ADGRV1: variants seen among roughly 807,000 people sequenced by gnomAD.
The protein encoded by ADGRV1 is adhesion G protein-coupled receptor V1, also known as G-protein coupled receptor 98.
Under a neutral mutation model 596.2 loss-of-function variants are expected in ADGRV1, and 359 were observed. That is an observed-to-expected ratio of 0.60 (90% confidence interval 0.55 to 0.66). The LOEUF is 0.66. ADGRV1 is among the 30% of genes least tolerant of loss of function. The pLI, the probability that ADGRV1 is intolerant of heterozygous loss-of-function variation, is 0.00. For synonymous variants in ADGRV1, 2,681 were observed against 2,679.2 expected, an observed-to-expected ratio of 1.00 and a Z score of -0.02; for missense variants, 7,274 against 7,575.6, an observed-to-expected ratio of 0.96 and a Z score of 1.48.
chr5:91,082,474 G>A (rs184530119), intron 86 of ADGRV1, among the ~76,000 whole-genome samples: 2 of 152,114 alleles, frequency 1.3e-5, no homozygotes, highest in African/African-American at 4.8e-5. Context: ...CTATAAACAC[G>A]TGCTACCATG....
At chr5:90,851,177 G>GAC (rs1766486047) in intron 79 of ADGRV1, among the ~76,000 whole-genome samples, 1 of 147,678 alleles carries the variant, frequency 6.8e-6, no homozygotes, top group Non-Finnish European at 1.5e-5. Flanking sequence ...GAATGAATCT[G>GAC]ACTTTGGATT....
intron 86 of ADGRV1, among the ~76,000 whole-genome samples, chr5:91,100,294 C>T (rs145747070): frequency 2.0e-5 from 3 of 152,128 alleles, no homozygotes; most frequent in South Asian, 2.1e-4. Context: ...TGGTGGCATG[C>T]GCCTATAGTT....
intron 83 of ADGRV1, among the ~76,000 whole-genome samples, chr5:90,917,877 T>C (rs1773525394): frequency 6.6e-6 from 1 of 152,142 alleles, no homozygotes; most frequent in Non-Finnish European, 1.5e-5. Context: ...TCATCACCAC[T>C]ATCATTTTTT....
chr5:91,066,868 G>A (rs1787927295), intron 85 of ADGRV1, among the ~76,000 whole-genome samples: 1 of 152,230 alleles, frequency 6.6e-6, no homozygotes, highest in African/African-American at 2.4e-5. Flanking sequence ...TGTAGATAGA[G>A]AAGAAGGCAA....
At chr5:90,950,958 A>G (rs1777012522) in intron 83 of ADGRV1, among the ~76,000 whole-genome samples, 1 of 152,234 alleles carries the variant, frequency 6.6e-6, no homozygotes, top group African/African-American at 2.4e-5. Flanking sequence ...GTCACAACAA[A>G]GATAAGCCTC....
intron 87 of ADGRV1, among the ~76,000 whole-genome samples, chr5:91,146,518 G>C (rs1274208668): frequency 6.6e-6 from 1 of 152,166 alleles, no homozygotes; most frequent in Non-Finnish European, 1.5e-5. Flanking sequence ...GTGAGGCAAG[G>C]CATGCCAAAT....
chr5:91,152,237 G>A (rs993006952), intron 88 of ADGRV1, among the ~76,000 whole-genome samples: 3 of 152,080 alleles, frequency 2.0e-5, no homozygotes, highest in African/African-American at 2.4e-5. Flanking sequence ...AGGATTAAGG[G>A]GTTGTTTACC....
chr5:90,874,696 CTA>C (rs1769049643), intron 83 of ADGRV1, among the ~76,000 whole-genome samples: 1 of 151,874 alleles, frequency 6.6e-6, no homozygotes, highest in African/African-American at 2.4e-5. Context: ...CCCGTCTCTA[CTA>C]AAAATACAAA....
intron 59 of ADGRV1, among the ~76,000 whole-genome samples, chr5:90,764,088 AG>A (rs1756816784): frequency 6.6e-6 from 1 of 152,152 alleles, no homozygotes; most frequent in African/African-American, 2.4e-5. Context: ...GGGAGTGATA[AG>A]GGGGTGTACC....
At chr5:90,924,439 G>A (rs12515481) in intron 83 of ADGRV1, among the ~76,000 whole-genome samples, 42,081 of 151,358 alleles carry the variant, frequency 0.28, 6,389 homozygotes, top group Non-Finnish European at 0.34. Flanking sequence ...CTTTTGAGAA[G>A]TGTCTGTTCA....
At chr5:90,645,443 C>T (rs779519163) in intron 15 of ADGRV1, among the ~76,000 whole-genome samples, 60 of 152,188 alleles carry the variant, frequency 3.9e-4, no homozygotes, top group Admixed American at 1.4e-3. Flanking sequence ...AAAGAAACAG[C>T]GTCCACCTGG....
At chr5:90,698,507 C>G (rs536670405) in intron 34 of ADGRV1, among the ~76,000 whole-genome samples, 3 of 152,246 alleles carry the variant, frequency 2.0e-5, no homozygotes, top group African/African-American at 7.2e-5. Context: ...TGCTTGAACT[C>G]ACGTCTGCTG....
intron 45 of ADGRV1, among the ~76,000 whole-genome samples, chr5:90,721,405 A>G (rs1750920472): frequency 6.6e-6 from 1 of 151,742 alleles, no homozygotes; most frequent in Non-Finnish European, 1.5e-5. Flanking sequence ...TCGGGAGGCT[A>G]AGACAGGAGA....
intron 83 of ADGRV1, among the ~76,000 whole-genome samples, chr5:90,953,622 TTCTC>T (rs1444502055): frequency 1.3e-5 from 2 of 152,088 alleles, no homozygotes; most frequent in African/African-American, 4.8e-5. Flanking sequence ...TTGATATTTC[TTCTC>T]TAACAGTCAC....
At chr5:91,020,266 T>C (rs1300705270) in intron 85 of ADGRV1, among the ~76,000 whole-genome samples, 2 of 152,018 alleles carry the variant, frequency 1.3e-5, no homozygotes, top group African/African-American at 2.4e-5. Flanking sequence ...ATCTAACATG[T>C]GTCCGGTTCC....
In ADGRV1 at chr5:90,834,825, C is replaced by A. The variant is rs577964003; in HGVS notation, c.16611+5639C>A. Among the ~76,000 whole-genome samples the A allele has an allele frequency of 4.6e-5, 7 of 151,764 alleles. No homozygotes were observed. The East Asian group carries it at 1.4e-3, about 29-fold the overall frequency. ...ATTTATAGATCTTGTATGCATGTTTCATTTTTATTCTTTTTTCTTTTGTTT... is the reference window on the plus strand; with the variant it reads ...ATTTATAGATCTTGTATGCATGTTTAATTTTTATTCTTTTTTCTTTTGTTT... On this transcript the variant is annotated intron_variant, in intron 77 of 89. Coordinates refer to ENST00000405460, the MANE Select transcript of ADGRV1 (RefSeq NM_032119.4).
rs1744915878 is a variant in ADGRV1 at position 90,681,422 on chromosome 5, C to T, written c.5632C>T (p.Pro1878Ser). Reference sequence around the variant, plus strand: ...GTCACTCTTTGTCAGTGGAACTGAACCAGAAGATGGGTATAGCACTGTTAC... The same window carrying T: ...GTCACTCTTTGTCAGTGGAACTGAATCAGAAGATGGGTATAGCACTGTTAC... ...PESLFVSGTE[P>S]EDGYSTVTLN... Residue 1878 changes from proline to serine, a missense_variant, in exon 27 of 90, where the codon CCA (proline) becomes TCA (serine). This residue lies in a region of ADGRV1 where 3,643 missense variants were observed against 3,809.2 expected (regional missense o/e 0.96). Transcript: ENST00000405460. The T allele has an allele frequency of 1.2e-6, 2 of 1,613,634 alleles. No individual in the cohort carries two copies. Among genetic ancestry groups the T allele is most frequent in the Admixed American group, 1.7e-5 (1 of 59,966 alleles).
intron 52 of ADGRV1, among the ~76,000 whole-genome samples, chr5:90,747,273 T>C (rs1012304693): frequency 3.3e-5 from 5 of 152,112 alleles, no homozygotes; most frequent in Non-Finnish European, 5.9e-5. Context: ...AGGAGGCCAC[T>C]GTGGCTGATG....
chr5:90,577,542 A>G (rs539175089), intron 1 of ADGRV1, among the ~76,000 whole-genome samples: 67 of 152,286 alleles, frequency 4.4e-4, no homozygotes, highest in Middle Eastern at 3.4e-3. Flanking sequence ...GTTTGAAGTC[A>G]GGTAGTGTGT....
Sources: gnomAD v4.1 joint callset for allele counts (sites outside exome capture counted in the v4.1 genomes callset) on GRCh38, gnomAD v4.1.1 for gene constraint, gnomAD v4.1.1 regional missense constraint, MANE v1.5 for transcripts, NCBI Gene and HGNC (gene_info 2026-07-23, HGNC 2026-07-21) for gene names.